Variants in RHOA observed in about 807,000 individuals in gnomAD.
RHOA encodes ras homolog family member A, also known as transforming protein RhoA.
In RHOA, 3 loss-of-function variants were observed where a neutral mutation model predicts 17.5. The ratio of observed to expected loss-of-function variants is 0.17; its 90% CI spans 0.08 to 0.44. The LOEUF (loss-of-function observed/expected upper bound fraction) is 0.44, where lower values mean the gene tolerates loss of function less well. Among genes scored for constraint, RHOA ranks in the 20% least tolerant of loss-of-function variants. The pLI is 0.99. For synonymous variants in RHOA, 98 were observed against 88.4 expected (o/e 1.11, Z -0.61); for missense variants, 56 against 242.3 (o/e 0.23, Z 5.10).
At chr3:49,364,416 C>T (rs1215953919) in intron 3 of RHOA, among the ~76,000 whole-genome samples, 5 of 151,992 alleles carry the variant, frequency 3.3e-5, no homozygotes, top group Non-Finnish European at 5.9e-5. Flanking sequence ...ACCCGGGAGG[C>T]GGAAGTTGCA....
chr3:49,361,139 T>C (rs1011304255), intron 4 of RHOA: 5 of 165,810 alleles, frequency 3.0e-5, no homozygotes, highest in Non-Finnish European at 5.2e-5. Flanking sequence ...AACTGACATA[T>C]GGTAACTACC....
intron 1 of RHOA, among the ~76,000 whole-genome samples, chr3:49,410,225 A>G (rs1164696082): frequency 6.6e-6 from 1 of 152,174 alleles, no homozygotes; most frequent in Non-Finnish European, 1.5e-5. Flanking sequence ...GAATACCTTA[A>G]CAGAGCAGAC....
At position 49,411,967 on chromosome 3, in the gene RHOA, G is replaced by C. The variant is rs1020367859; in HGVS notation, c.-150C>G. 2 of 157,158 alleles carry C rather than the reference G, an allele frequency of 1.3e-5. No homozygotes were observed. The highest frequency in any genetic ancestry group is 2.4e-5 in the African/African-American group (1 of 41,526). The allele number at this position is 157,158 out of a possible 1,614,324, so 9.7% of individuals were successfully genotyped here. A position where few individuals can be genotyped will look rare whatever the true frequency, so the allele number is the denominator to read the frequency against. ...GGACCGCGGGCGGCGGGAGGGTAGCGCGAGAGAGCGAGGGCGGGCGGCGGC... is the reference window on the plus strand; with the variant it reads ...GGACCGCGGGCGGCGGGAGGGTAGCCCGAGAGAGCGAGGGCGGGCGGCGGC... On this transcript the variant is annotated 5_prime_UTR_variant, in exon 1 of 5. Transcript: ENST00000418115.
Position 49,368,519 on chromosome 3 carries a change from C to A in RHOA, c.186G>T (p.Gly62=), listed in dbSNP as rs2048095179. 6.2e-7 allele frequency: 1 copy of A among 1,613,922 alleles called. No homozygotes were observed. Among genetic ancestry groups the A allele is most frequent in the East Asian group, 2.2e-5 (1 of 44,880 alleles). The part of the protein sequence containing the change: ...QVELALWDTA[G]QEDYDRLRPL... ...GCCTCAGGCGATCATAATCTTCCTG[C>A]CCAGCTGTGTCCCACAAAGCCAACT... The change falls in exon 3 of 5, where the codon GGG becomes GGT. Residue 62 remains glycine (G), a synonymous_variant. Transcript: ENST00000418115.
chr3:49,363,468 CT>C (rs1487127609), intron 3 of RHOA, among the ~76,000 whole-genome samples: 3 of 152,122 alleles, frequency 2.0e-5, no homozygotes, highest in Non-Finnish European at 4.4e-5. Context: ...GGCGTGGTGA[CT>C]CATACTTGTA....
In RHOA at chr3:49,370,776, T is replaced by C. The variant is rs74361227; in HGVS notation, c.157-2228A>G. Reference sequence around the variant, plus strand: ...CCCATTCTTATCACCAGACTCCATGTTAAACATCCTCTGTACAGAGGCCCT... The same window carrying C: ...CCCATTCTTATCACCAGACTCCATGCTAAACATCCTCTGTACAGAGGCCCT... On this transcript the variant is annotated intron_variant, in intron 2 of 4. Transcript: ENST00000418115. Among the ~76,000 whole-genome samples, 1,109 of 152,248 alleles carry C rather than the reference T, an allele frequency of 7.3e-3. 16 individuals are homozygous for C. The highest frequency in any genetic ancestry group is 0.024 in the African/African-American group (1,007 of 41,540).
At chr3:49,380,612 T>C (rs1365856992) in intron 1 of RHOA, among the ~76,000 whole-genome samples, 1 of 150,242 alleles carries the variant, frequency 6.7e-6, no homozygotes, top group South Asian at 2.1e-4. Context: ...GAGGTGGAGG[T>C]TGCAGTGAGC....
At chr3:49,387,097 A>G (rs1434623767) in intron 1 of RHOA, among the ~76,000 whole-genome samples, 2 of 114,010 alleles carry the variant, frequency 1.8e-5, no homozygotes, top group Non-Finnish European at 3.4e-5. Context: ...AGCCTGGGCA[A>G]CAAGAGAGAA....
chr3:49,393,727 TGTGA>T lies in RHOA; in HGVS notation c.-3+18089_-3+18092del, dbSNP rs1361531968. Among the ~76,000 whole-genome samples, 55 of 132,274 alleles carry T rather than the reference TGTGA, an allele frequency of 4.2e-4. 1 individual carries two copies. The highest frequency in any genetic ancestry group is 1.6e-3 in the African/African-American group (55 of 33,642). The allele number at this position is 132,274 out of a possible 152,430, so 86.8% of individuals were successfully genotyped here. Reference sequence around the variant, plus strand: ...GTGTGTGTGTGTGTGTGTGTGTGTGTGTGACAGAATCTCGCTCTGTCGCCCAGGC... The same window carrying T: ...GTGTGTGTGTGTGTGTGTGTGTGTGTCAGAATCTCGCTCTGTCGCCCAGGC... On this transcript the variant is annotated intron_variant, in intron 1 of 4. Transcript: ENST00000418115.
intron 3 of RHOA, among the ~76,000 whole-genome samples, chr3:49,362,965 T>C (rs1006026636): frequency 6.6e-6 from 1 of 152,178 alleles, no homozygotes; most frequent in African/African-American, 2.4e-5. Flanking sequence ...TTACAGGACA[T>C]CTGTCACTGC....
chr3:49,390,497 CAGG>C (rs1486920328), intron 1 of RHOA, among the ~76,000 whole-genome samples: 9 of 152,078 alleles, frequency 5.9e-5, no homozygotes, highest in Non-Finnish European at 1.2e-4. Flanking sequence ...CTCCTGACCA[CAGG>C]TAATTCGCCT....
chr3:49,368,660 C>T lies in RHOA; in HGVS notation c.157-112G>A, dbSNP rs2048097249. ...AATGGCAGACCATTGAAATGGCAGA[C>T]GGTCTAAAACAGTAAAACACAGGAG... On this transcript the variant is annotated intron_variant, in intron 2 of 4. Transcript: ENST00000418115. 2.0e-5 allele frequency: 22 copies of T among 1,111,440 alleles called. No individual in the cohort carries two copies. In the Admixed American group the frequency reaches 2.2e-4, roughly 11 times the overall value. The allele number at this position is 1,111,440 out of a possible 1,614,324, so 68.8% of individuals were successfully genotyped here.
At chr3:49,406,982 A>C (rs1277533228) in intron 1 of RHOA, among the ~76,000 whole-genome samples, 6 of 151,824 alleles carry the variant, frequency 4.0e-5, no homozygotes, top group African/African-American at 1.5e-4. Flanking sequence ...GTCTTTACTA[A>C]AAATACAAAA....
intron 2 of RHOA, among the ~76,000 whole-genome samples, chr3:49,369,214 G>A (rs563001357): frequency 6.8e-5 from 10 of 147,910 alleles, no homozygotes; most frequent in Admixed American, 4.1e-4. Context: ...TAGTAGAGAC[G>A]GGGTTTCACC....
chr3:49,390,495 C>A (rs2048481011), intron 1 of RHOA, among the ~76,000 whole-genome samples: 1 of 151,500 alleles, frequency 6.6e-6, no homozygotes, highest in South Asian at 2.1e-4. Context: ...AACTCCTGAC[C>A]ACAGGTAATT....
At chr3:49,377,331 G>A (rs1001864558) in intron 1 of RHOA, among the ~76,000 whole-genome samples, 7 of 152,074 alleles carry the variant, frequency 4.6e-5, no homozygotes, top group East Asian at 3.9e-4. Context: ...AGTGGCTCAC[G>A]CCTATAATCC....
At chr3:49,398,307 C>T (rs2048653227) in intron 1 of RHOA, among the ~76,000 whole-genome samples, 1 of 151,706 alleles carries the variant, frequency 6.6e-6, no homozygotes, top group Non-Finnish European at 1.5e-5. Context: ...GCCTTGAGAT[C>T]GCACCACTGC....
chr3:49,388,369 G>A (rs1461141069), intron 1 of RHOA, among the ~76,000 whole-genome samples: 2 of 152,092 alleles, frequency 1.3e-5, no homozygotes, highest in Non-Finnish European at 2.9e-5. Context: ...GCTTTAGGGA[G>A]CTCTGCTATA....
intron 1 of RHOA, among the ~76,000 whole-genome samples, chr3:49,408,822 T>C (rs1351603849): frequency 2.7e-5 from 4 of 150,636 alleles, no homozygotes; most frequent in Non-Finnish European, 5.9e-5. Context: ...AGACGGAGTC[T>C]CGCTCTGTTG....
Sources: allele counts gnomAD v4.1 joint callset (sites outside exome capture counted in the v4.1 genomes callset), GRCh38; gene constraint gnomAD v4.1.1; transcripts MANE v1.5; gene names NCBI Gene and HGNC (gene_info 2026-07-23, HGNC 2026-07-21).